ADAM9: variants seen among roughly 807,000 people sequenced by gnomAD.
ADAM9 encodes the protein disintegrin and metalloproteinase domain-containing protein 9.
ADAM9 carries 54 observed loss-of-function variants against 108.1 expected under a neutral mutation model. The ratio of observed to expected loss-of-function variants is 0.50; its 90% CI spans 0.40 to 0.63. The LOEUF (loss-of-function observed/expected upper bound fraction) is 0.63, where lower values mean the gene tolerates loss of function less well. Among genes scored for constraint, ADAM9 ranks in the 20% least tolerant of loss-of-function variants. The pLI is 0.00. For synonymous variants in ADAM9, 316 were observed against 336.0 expected, an observed-to-expected ratio of 0.94 and a Z score of 0.65; for missense variants, 830 against 997.7, an observed-to-expected ratio of 0.83 and a Z score of 2.26.
chr8:39,100,353 C>T (rs1356841476), intron 20 of ADAM9, among the ~76,000 whole-genome samples: 2 of 151,618 alleles, frequency 1.3e-5, no homozygotes, highest in Admixed American at 6.6e-5. Flanking sequence ...ATTAGCCAGG[C>T]GTGGTGGTGG....
chr8:39,045,684 A>G (rs1162337496), intron 12 of ADAM9, among the ~76,000 whole-genome samples: 1 of 151,962 alleles, frequency 6.6e-6, no homozygotes, highest in Non-Finnish European at 1.5e-5. Context: ...ATATGAGTGC[A>G]GATACCTTTT....
intron 7 of ADAM9, among the ~76,000 whole-genome samples, chr8:39,019,423 T>G (rs145285777): frequency 3.1e-3 from 473 of 152,356 alleles, no homozygotes; most frequent in Middle Eastern, 6.8e-3. Context: ...TTATTTATAC[T>G]TAAGAAACTG....
chr8:39,064,616 C>A (rs926213459), intron 14 of ADAM9, among the ~76,000 whole-genome samples: 9 of 152,134 alleles, frequency 5.9e-5, no homozygotes, highest in African/African-American at 2.2e-4. Flanking sequence ...AGATCTTTCA[C>A]CATAATCTGA....
intron 3 of ADAM9, among the ~76,000 whole-genome samples, chr8:39,013,050 G>C (rs1248479478): frequency 6.6e-6 from 1 of 152,114 alleles, no homozygotes. Flanking sequence ...TTACATCTCT[G>C]ACTTGTCCAT....
chr8:39,059,719 C>CT (rs1312198446), intron 14 of ADAM9, among the ~76,000 whole-genome samples: 1 of 152,216 alleles, frequency 6.6e-6, no homozygotes, highest in Admixed American at 6.5e-5. Context: ...AGTGAACAAC[C>CT]AGGTGCACTT....
chr8:39,006,233 A>G (rs1836156684), intron 1 of ADAM9, among the ~76,000 whole-genome samples: 1 of 152,232 alleles, frequency 6.6e-6, no homozygotes, highest in South Asian at 2.1e-4. Flanking sequence ...TGTCCTGTGC[A>G]AAAGAAAACA....
chr8:39,044,958 GTGTGTGCACACATACC>G (rs1837582641), intron 12 of ADAM9, among the ~76,000 whole-genome samples: 1 of 150,534 alleles, frequency 6.6e-6, no homozygotes, highest in African/African-American at 2.4e-5. Flanking sequence ...ATGTGTATAT[GTGTGTGCACACATACC>G]TATGTATGTG....
intron 15 of ADAM9, 40 bp downstream of exon 15, chr8:39,071,443 T>G (rs776940973): frequency 7.6e-7 from 1 of 1,317,008 alleles, no homozygotes; most frequent in African/African-American, 1.5e-5. Context: ...TGAAAGATTA[T>G]AAGATCCGTC....
chr8:39,009,031 G>GT (rs1171246822), intron 2 of ADAM9, among the ~76,000 whole-genome samples: 1 of 152,172 alleles, frequency 6.6e-6, no homozygotes, highest in Non-Finnish European at 1.5e-5. Flanking sequence ...CAGCGTGCCT[G>GT]TTTTTTAGGG....
chr8:39,004,119 T>TA (rs1366448018), intron 1 of ADAM9, among the ~76,000 whole-genome samples: 1 of 152,242 alleles, frequency 6.6e-6, no homozygotes, highest in Non-Finnish European at 1.5e-5. Context: ...TTTTCTCTGT[T>TA]ATGTTTGGTT....
At chr8:39,078,712 C>G (rs1413509697) in intron 16 of ADAM9, among the ~76,000 whole-genome samples, 1 of 152,056 alleles carries the variant, frequency 6.6e-6, no homozygotes, top group Admixed American at 6.6e-5. Context: ...ACCTGGGAGG[C>G]ACAGGTTGCA....
chr8:39,070,191 C>A (rs116007144), intron 14 of ADAM9, among the ~76,000 whole-genome samples: 1 of 150,650 alleles, frequency 6.6e-6, no homozygotes, highest in African/African-American at 2.4e-5. Context: ...TGTAACTGCC[C>A]GTTTTCAATA....
intron 1 of ADAM9, among the ~76,000 whole-genome samples, chr8:39,004,632 G>A (rs897035199): frequency 6.6e-6 from 1 of 152,230 alleles, no homozygotes; most frequent in African/African-American, 2.4e-5. Context: ...GAGCAGAACA[G>A]TGGCACGGGC....
chr8:39,080,116 G>A (rs1048128253), intron 16 of ADAM9, among the ~76,000 whole-genome samples: 1 of 150,506 alleles, frequency 6.6e-6, no homozygotes, highest in Non-Finnish European at 1.5e-5. Context: ...TTGTGTGTGG[G>A]GTGTGTGTGT....
At chr8:39,071,453 C>T in intron 15 of ADAM9, 50 bp downstream of exon 15, 1 of 932,774 alleles carries the variant, frequency 1.1e-6, no homozygotes, top group Non-Finnish European at 1.7e-6. Context: ...TAAGATCCGT[C>T]ATCTCTAGTA....
intron 11 of ADAM9, among the ~76,000 whole-genome samples, chr8:39,029,123 T>G (rs532773370): frequency 3.8e-5 from 4 of 105,666 alleles, no homozygotes; most frequent in South Asian, 3.1e-4. Context: ...CAAAAAAGTG[T>G]TGTTGTTGTT....
chr8:39,081,810 A>G (rs1244564522), intron 16 of ADAM9, among the ~76,000 whole-genome samples: 1 of 152,152 alleles, frequency 6.6e-6, no homozygotes, highest in East Asian at 1.9e-4. Context: ...TGTACACAAG[A>G]TCAGTTGGTT....
At chr8:39,063,682 A>T (rs1036244461) in intron 14 of ADAM9, among the ~76,000 whole-genome samples, 2 of 152,210 alleles carry the variant, frequency 1.3e-5, no homozygotes. Flanking sequence ...AGATTGTGCC[A>T]CTGCACTCCA....
Position 39,103,630 on chromosome 8 carries a change from TATC to T in ADAM9, c.2394_2396del (p.Ser799del). 6.2e-7 allele frequency: 1 copy of T among 1,614,108 alleles called. No homozygotes were observed. Among genetic ancestry groups the T allele is most frequent in the Non-Finnish European group, 8.5e-7 (1 of 1,179,992 alleles). On this transcript the variant is annotated inframe_deletion, in exon 22 of 22. Coordinates refer to ENST00000487273, the MANE Select transcript of ADAM9 (RefSeq NM_003816.3). ...AGGCCACCTCCACCACAACCGAAAG[TATC>T]ATCTCAGGGAAACTTAATTCCTGCC...
Sources: gnomAD v4.1 joint callset for allele counts (sites outside exome capture counted in the v4.1 genomes callset) on GRCh38, gnomAD v4.1.1 for gene constraint, MANE v1.5 for transcripts, NCBI Gene and HGNC (gene_info 2026-07-23, HGNC 2026-07-21) for gene names.